The following ZCCHC7 variants were observed in gnomAD, a reference collection of about 807,000 sequenced individuals.
ZCCHC7 encodes zinc finger CCHC domain-containing protein 7.
Under a neutral mutation model 52.0 loss-of-function variants are expected in ZCCHC7, and 35 were observed. The observed-to-expected ratio is 0.67, with a 90% CI of 0.51 to 0.89. The LOEUF is 0.89. Among genes scored for constraint, ZCCHC7 ranks in the 40% least tolerant of loss-of-function variants. ZCCHC7 has a pLI of 0.00. For missense variants in ZCCHC7, 574 were observed against 649.1 expected, an observed-to-expected ratio of 0.88 and a Z score of 1.26; for synonymous variants, 217 against 221.5, an observed-to-expected ratio of 0.98 and a Z score of 0.18.
chr9:37,142,303 A>G (rs1843263523), intron 2 of ZCCHC7, among the ~76,000 whole-genome samples: 1 of 151,622 alleles, frequency 6.6e-6, no homozygotes, highest in Non-Finnish European at 1.5e-5. Context: ...CTTTGATTGT[A>G]CCTCATGGTT....
chr9:37,277,560 C>T (rs1480654736), intron 2 of ZCCHC7, among the ~76,000 whole-genome samples: 2 of 152,156 alleles, frequency 1.3e-5, no homozygotes, highest in East Asian at 3.8e-4. Context: ...CAGAAACTCA[C>T]AGGAAGTCAA....
intron 2 of ZCCHC7, among the ~76,000 whole-genome samples, chr9:37,139,129 G>A (rs1467546304): frequency 6.6e-6 from 1 of 151,908 alleles, no homozygotes; most frequent in African/African-American, 2.4e-5. Flanking sequence ...TTCCTTGGTG[G>A]TTAAGACTTA....
chr9:37,155,790 C>T lies in ZCCHC7; in HGVS notation c.610+28848C>T, dbSNP rs530614640. 5.9e-5 allele frequency among the ~76,000 whole-genome samples: 9 copies of T among 152,254 alleles called. No homozygotes were observed. The South Asian group carries it at 8.3e-4, about 14-fold the overall frequency. On this transcript the variant is annotated intron_variant, in intron 2 of 8. Transcript: ENST00000336755. ...TAAGTAGTACAGATATCTTAGCAGCCGGTAATGGTTAAGGGTGTGAGTACA... is the reference window on the plus strand; with the variant it reads ...TAAGTAGTACAGATATCTTAGCAGCTGGTAATGGTTAAGGGTGTGAGTACA...
At chr9:37,315,111 T>A (rs1829757420) in intron 5 of ZCCHC7, among the ~76,000 whole-genome samples, 3 of 150,290 alleles carry the variant, frequency 2.0e-5, no homozygotes, top group Admixed American at 1.3e-4. Flanking sequence ...AATGATTATA[T>A]TTCAGTTAAA....
At chr9:37,120,517 C>T, upstream of ZCCHC7, 3 of 399,114 alleles carry the variant, frequency 7.5e-6, no homozygotes, top group Non-Finnish European at 1.3e-5. Context: ...TGCCTTCCCT[C>T]CCGGGTCTGC....
intron 2 of ZCCHC7, among the ~76,000 whole-genome samples, chr9:37,135,746 T>TA (rs1452166531): frequency 6.6e-6 from 1 of 152,260 alleles, no homozygotes; most frequent in African/African-American, 2.4e-5. Flanking sequence ...TTGACTAAGG[T>TA]AAATGGCTTT....
At chr9:37,130,975 A>G (rs1489011966) in intron 2 of ZCCHC7, among the ~76,000 whole-genome samples, 2 of 152,190 alleles carry the variant, frequency 1.3e-5, no homozygotes, top group African/African-American at 4.8e-5. Context: ...AAATTTGAGT[A>G]CAGCACTACC....
Position 37,340,725 on chromosome 9 carries a change from G to A in ZCCHC7, c.988-8632G>A, listed in dbSNP as rs145658567. 7.3e-4 allele frequency among the ~76,000 whole-genome samples: 111 copies of A among 152,218 alleles called. 1 individual carries two copies. In the South Asian group the frequency reaches 8.5e-3, roughly 12 times the overall value. ...GCTTAGAGATTTTTGTTAGATCATA[G>A]TATGAAAACTTGTCCACTGGAAACC... On this transcript the variant is annotated intron_variant, in intron 6 of 8. Transcript: ENST00000336755.
chr9:37,338,197 T>G (rs1830763372), intron 6 of ZCCHC7, among the ~76,000 whole-genome samples: 2 of 152,272 alleles, frequency 1.3e-5, no homozygotes, highest in Non-Finnish European at 1.5e-5. Context: ...GTGTCCTGTT[T>G]ACAAAAAGAA....
At chr9:37,175,770 C>A (rs1387046468) in intron 2 of ZCCHC7, among the ~76,000 whole-genome samples, 1 of 152,120 alleles carries the variant, frequency 6.6e-6, no homozygotes, top group African/African-American at 2.4e-5. Flanking sequence ...TTTTATAGTC[C>A]ATTGCCTCAT....
At chr9:37,241,853 A>G (rs1825887268) in intron 2 of ZCCHC7, among the ~76,000 whole-genome samples, 1 of 151,776 alleles carries the variant, frequency 6.6e-6, no homozygotes, top group Middle Eastern at 3.2e-3. Flanking sequence ...GAGGAATTTT[A>G]TAACTTCCAA....
chr9:37,267,495 T>C (rs1827164972), intron 2 of ZCCHC7, among the ~76,000 whole-genome samples: 1 of 150,754 alleles, frequency 6.6e-6, no homozygotes, highest in South Asian at 2.1e-4. Flanking sequence ...GACCTCGACC[T>C]CCCAAGCTCA....
chr9:37,225,964 AAAG>A (rs1407923283), intron 2 of ZCCHC7, among the ~76,000 whole-genome samples: 1 of 152,246 alleles, frequency 6.6e-6, no homozygotes, highest in Non-Finnish European at 1.5e-5. Context: ...AAGGCAATAA[AAAG>A]AAGCTGAAGG....
At chr9:37,309,447 T>G (rs973112529) in intron 5 of ZCCHC7, among the ~76,000 whole-genome samples, 3 of 152,212 alleles carry the variant, frequency 2.0e-5, no homozygotes, top group Non-Finnish European at 4.4e-5. Flanking sequence ...CTTTCTCACA[T>G]GCCATGGCTG....
At chr9:37,254,912 A>C (rs1279831805) in intron 2 of ZCCHC7, among the ~76,000 whole-genome samples, 1 of 132,610 alleles carries the variant, frequency 7.5e-6, no homozygotes, top group African/African-American at 2.8e-5. Context: ...TATGGTATGC[A>C]TGTAAATTGA....
chr9:37,215,456 C>G (rs1824454958), intron 2 of ZCCHC7, among the ~76,000 whole-genome samples: 1 of 152,128 alleles, frequency 6.6e-6, no homozygotes, highest in South Asian at 2.1e-4. Context: ...AAAATTTTAT[C>G]TTTATCCAGA....
chr9:37,354,604 A>G lies in ZCCHC7; in HGVS notation c.1084-106A>G, dbSNP rs1255600488. 7 of 742,714 alleles carry G rather than the reference A, an allele frequency of 9.4e-6. No individual in the cohort carries two copies. The highest frequency in any genetic ancestry group is 1.6e-5 in the Non-Finnish European group (7 of 444,292). 46.0% of individuals were successfully genotyped at this position (742,714 alleles called of 1,614,324 possible). A position where few individuals can be genotyped will look rare whatever the true frequency, so the allele number is the denominator to read the frequency against. On this transcript the variant is annotated intron_variant, in intron 7 of 8. Coordinates refer to ENST00000336755, the MANE Select transcript of ZCCHC7 (RefSeq NM_032226.3). The surrounding 1 kb of genome is among the most constrained non-coding windows in gnomAD (Gnocchi z 4.0). ...ATATCCTACAGCCACCACATGAGGT[A>G]CCAGTGACATGGGGCTCATTTCTAA... is the stretch of plus-strand genomic sequence containing the variant.
chr9:37,255,281 A>G (rs574895630), intron 2 of ZCCHC7, among the ~76,000 whole-genome samples: 1 of 152,202 alleles, frequency 6.6e-6, no homozygotes, highest in South Asian at 2.1e-4. Context: ...TAAGGTGAAT[A>G]ATGTAGGCAT....
intron 2 of ZCCHC7, among the ~76,000 whole-genome samples, chr9:37,183,939 T>A (rs10973244): frequency 0.037 from 5,600 of 152,294 alleles, 228 homozygotes; most frequent in African/African-American, 0.098. Context: ...GGTAGTTTTG[T>A]AAATTCAAGC....
Sources: gnomAD v4.1 joint callset for allele counts (sites outside exome capture counted in the v4.1 genomes callset) on GRCh38, gnomAD v4.1.1 for gene constraint, Gnocchi (gnomAD v3.1) non-coding constraint, MANE v1.5 for transcripts, NCBI Gene and HGNC (gene_info 2026-07-23, HGNC 2026-07-21) for gene names.